Variants in ADGRB3 observed in about 807,000 individuals in gnomAD.
ADGRB3 encodes adhesion G protein-coupled receptor B3.
ADGRB3 carries 37 observed loss-of-function variants against 193.4 expected under a neutral mutation model. The ratio of observed to expected loss-of-function variants is 0.19; its 90% CI spans 0.15 to 0.25. The LOEUF is 0.25. Ranked by LOEUF, ADGRB3 falls within the 10% of genes least tolerant of loss-of-function variation. The pLI, the probability that ADGRB3 is intolerant of heterozygous loss-of-function variation, is 1.00. For synonymous variants in ADGRB3, 690 were observed against 644.2 expected, an observed-to-expected ratio of 1.07 and a Z score of -1.08; for missense variants, 1,637 against 1,852.9, an observed-to-expected ratio of 0.88 and a Z score of 2.14.
At chr6:68,913,979 G>A (rs1403197833) in intron 3 of ADGRB3, among the ~76,000 whole-genome samples, 1 of 150,770 alleles carries the variant, frequency 6.6e-6, no homozygotes, top group Non-Finnish European at 1.5e-5. Context: ...GAAGCGAGAA[G>A]GGAAGTTTAG....
intron 22 of ADGRB3, 129 bp from the exon 23 acceptor site, chr6:69,330,377 T>C: frequency 1.9e-6 from 1 of 522,180 alleles, no homozygotes; most frequent in Non-Finnish European, 3.3e-6. Context: ...TATGTATTTT[T>C]TATTACAAAT....
At chr6:69,129,173 G>T (rs1393597922) in intron 17 of ADGRB3, among the ~76,000 whole-genome samples, 1 of 152,140 alleles carries the variant, frequency 6.6e-6, no homozygotes, top group Non-Finnish European at 1.5e-5. Flanking sequence ...ATGTTCATTT[G>T]AAATGCAGAA....
intron 20 of ADGRB3, among the ~76,000 whole-genome samples, chr6:69,266,429 C>T (rs1767040863): frequency 6.6e-6 from 1 of 151,728 alleles, no homozygotes; most frequent in Non-Finnish European, 1.5e-5. Context: ...TAGAAAATAC[C>T]CCTTGAGACC....
intron 3 of ADGRB3, among the ~76,000 whole-genome samples, chr6:68,922,543 AC>A (rs1327466138): frequency 1.3e-5 from 2 of 152,216 alleles, no homozygotes; most frequent in Non-Finnish European, 2.9e-5. Context: ...ATCGAGCTTG[AC>A]CAGGTCTTCT....
intron 15 of ADGRB3, among the ~76,000 whole-genome samples, chr6:69,053,125 G>C (rs1771447347): frequency 6.6e-6 from 1 of 152,166 alleles, no homozygotes; most frequent in South Asian, 2.1e-4. Flanking sequence ...GGTGGAGGTT[G>C]CAGTGAGCAG....
intron 3 of ADGRB3, among the ~76,000 whole-genome samples, chr6:68,915,574 A>T (rs1336210226): frequency 6.6e-6 from 1 of 152,200 alleles, no homozygotes; most frequent in Admixed American, 6.5e-5. Flanking sequence ...ATTGGGATCT[A>T]AGTGTTGTTG....
chr6:69,087,471 T>C (rs1486549325), intron 17 of ADGRB3, among the ~76,000 whole-genome samples: 1 of 152,132 alleles, frequency 6.6e-6, no homozygotes, highest in Non-Finnish European at 1.5e-5. Flanking sequence ...GCTCATGGTA[T>C]TTTTGCTCTC....
chr6:69,333,064 A>G (rs370494334), intron 24 of ADGRB3, 56 bp downstream of exon 24: 160 of 1,555,454 alleles, frequency 1.0e-4, no homozygotes, highest in Non-Finnish European at 1.3e-4. Flanking sequence ...CCATACTCCA[A>G]TTTCAGACCA....
At chr6:68,734,358 C>A (rs1765832875) in intron 3 of ADGRB3, among the ~76,000 whole-genome samples, 2 of 151,862 alleles carry the variant, frequency 1.3e-5, no homozygotes, top group African/African-American at 2.4e-5. Flanking sequence ...CATTCCTTTT[C>A]CACTTTTCCT....
intron 3 of ADGRB3, among the ~76,000 whole-genome samples, chr6:68,922,519 G>A (rs988642134): frequency 2.6e-5 from 4 of 152,204 alleles, no homozygotes; most frequent in Non-Finnish European, 4.4e-5. Flanking sequence ...ACACATTCGT[G>A]TACAGACCTG....
chr6:69,177,888 G>A (rs536527356), intron 17 of ADGRB3, among the ~76,000 whole-genome samples: 1 of 152,112 alleles, frequency 6.6e-6, no homozygotes, highest in Non-Finnish European at 1.5e-5. Context: ...TGGTCCATGT[G>A]CAGATGAGGA....
intron 4 of ADGRB3, 118 bp downstream of exon 4, chr6:68,930,787 AT>A (rs940257297): frequency 3.0e-4 from 228 of 771,054 alleles, no homozygotes; most frequent in South Asian, 6.2e-4. Flanking sequence ...TTTTCGAGCC[AT>A]TTTTTTTGTC....
intron 15 of ADGRB3, among the ~76,000 whole-genome samples, chr6:69,053,183 T>TA (rs958378403): frequency 2.3e-4 from 34 of 150,984 alleles, no homozygotes; most frequent in African/African-American, 2.9e-4. Context: ...CAAGATTCCA[T>TA]AAAAAAAAAT....
At position 68,948,886 on chromosome 6, in the gene ADGRB3, G is replaced by A. The variant is rs373375467; in HGVS notation, c.1195+4892G>A. On this transcript the variant is annotated intron_variant, in intron 6 of 31. Coordinates refer to ENST00000370598, the MANE Select transcript of ADGRB3 (RefSeq NM_001704.3). ...ATATGATTCAGTGGGAAAAAAAGTG[G>A]TGTGTTATTCAGAAGATATGGATTA... 8.4e-4 allele frequency among the ~76,000 whole-genome samples: 128 copies of A among 152,136 alleles called. 2 individuals are homozygous for A. In the South Asian group the frequency reaches 0.016, roughly 19 times the overall value.
At chr6:68,861,358 G>T (rs181416737) in intron 3 of ADGRB3, among the ~76,000 whole-genome samples, 1 of 152,070 alleles carries the variant, frequency 6.6e-6, no homozygotes, top group Admixed American at 6.5e-5. Flanking sequence ...CAGATCACAA[G>T]GTCAGGAGAC....
At chr6:69,207,442 A>G (rs751468530) in intron 17 of ADGRB3, among the ~76,000 whole-genome samples, 11 of 152,148 alleles carry the variant, frequency 7.2e-5, no homozygotes, top group Admixed American at 5.2e-4. Flanking sequence ...TCTTGGTTAT[A>G]GGAGGGGCCA....
At chr6:69,277,002 CT>C (rs1320158134) in intron 20 of ADGRB3, among the ~76,000 whole-genome samples, 2,899 of 138,118 alleles carry the variant, frequency 0.021, 28 homozygotes, top group Non-Finnish European at 0.03. Context: ...TTTTTTTTTC[CT>C]TTTTTTTTTT....
chr6:69,302,985 A>G (rs137954054), intron 20 of ADGRB3, among the ~76,000 whole-genome samples: 17 of 152,094 alleles, frequency 1.1e-4, no homozygotes, highest in African/African-American at 3.6e-4. Context: ...CTCCAGAGGA[A>G]TTACATAAGA....
chr6:69,099,624 A>G (rs977695864), intron 17 of ADGRB3, among the ~76,000 whole-genome samples: 1 of 152,218 alleles, frequency 6.6e-6, no homozygotes, highest in Non-Finnish European at 1.5e-5. Flanking sequence ...CTTGCTACTT[A>G]CTATTAAGTG....
Sources: allele counts gnomAD v4.1 joint callset (sites outside exome capture counted in the v4.1 genomes callset), GRCh38; gene constraint gnomAD v4.1.1; transcripts MANE v1.5; gene names NCBI Gene and HGNC (gene_info 2026-07-23, HGNC 2026-07-21).